MARCHF1: variants seen among roughly 807,000 people sequenced by gnomAD.
MARCHF1 encodes the protein E3 ubiquitin-protein ligase MARCHF1.
MARCHF1 carries 40 observed loss-of-function variants against 54.2 expected under a neutral mutation model. The observed-to-expected ratio is 0.74, with a 90% CI of 0.57 to 0.96. MARCHF1 has a LOEUF of 0.96. MARCHF1 is among the 40% of genes least tolerant of loss of function. MARCHF1 has a pLI of 0.00. For synonymous variants in MARCHF1, 236 were observed against 236.3 expected, an observed-to-expected ratio of 1.00 and a Z score of 0.01; for missense variants, 586 against 656.5, an observed-to-expected ratio of 0.89 and a Z score of 1.17.
chr4:163,807,651 A>G (rs1025543813), intron 4 of MARCHF1, among the ~76,000 whole-genome samples: 1 of 152,168 alleles, frequency 6.6e-6, no homozygotes, highest in Non-Finnish European at 1.5e-5. Flanking sequence ...TAATGAACTT[A>G]TAAATATGCA....
chr4:163,743,352 C>T, intron 4 of MARCHF1, among the ~76,000 whole-genome samples: 1 of 152,164 alleles, frequency 6.6e-6, no homozygotes, highest in South Asian at 2.1e-4. Context: ...TGGTATGAGG[C>T]AGAATTTCCA....
At chr4:163,639,105 T>A (rs927065369) in intron 5 of MARCHF1, among the ~76,000 whole-genome samples, 1 of 152,124 alleles carries the variant, frequency 6.6e-6, no homozygotes, top group African/African-American at 2.4e-5. Context: ...AGTGCTGGAA[T>A]TTGATTACAC....
intron 3 of MARCHF1, among the ~76,000 whole-genome samples, chr4:163,950,225 C>A (rs1229978241): frequency 3.3e-5 from 5 of 152,166 alleles, no homozygotes. Flanking sequence ...CTGAGGGGTG[C>A]CTGCAGGCTT....
At chr4:164,161,849 C>A (rs917354190) in intron 1 of MARCHF1, among the ~76,000 whole-genome samples, 1 of 152,162 alleles carries the variant, frequency 6.6e-6, no homozygotes, top group South Asian at 2.1e-4. Flanking sequence ...GTTATATGGT[C>A]CAAATTCCAA....
intron 5 of MARCHF1, among the ~76,000 whole-genome samples, chr4:163,672,234 CT>C (rs1414937315): frequency 6.6e-6 from 1 of 152,106 alleles, no homozygotes. Context: ...GTGTGAAGAT[CT>C]TTTTCCCTCT....
At chr4:163,637,570 A>G (rs1239468386) in intron 5 of MARCHF1, among the ~76,000 whole-genome samples, 4 of 150,988 alleles carry the variant, frequency 2.6e-5, no homozygotes, top group Non-Finnish European at 4.4e-5. Context: ...TTAGAATGGC[A>G]ATCATTAAAA....
At chr4:163,871,357 A>C (rs1351941225) in intron 3 of MARCHF1, among the ~76,000 whole-genome samples, 2 of 152,146 alleles carry the variant, frequency 1.3e-5, no homozygotes, top group Non-Finnish European at 1.5e-5. Flanking sequence ...GTAATTGGGG[A>C]AACAACCCAA....
chr4:164,275,748 A>G (rs1429208180), intron 1 of MARCHF1, among the ~76,000 whole-genome samples: 2 of 152,180 alleles, frequency 1.3e-5, no homozygotes, highest in East Asian at 3.9e-4. Context: ...GAAAGAAAGA[A>G]AAAGGCCTTT....
intron 3 of MARCHF1, among the ~76,000 whole-genome samples, chr4:163,929,574 A>T (rs1486003511): frequency 6.6e-6 from 1 of 151,934 alleles, no homozygotes; most frequent in Non-Finnish European, 1.5e-5. Flanking sequence ...CTGCTTAAAA[A>T]TCGTGCCAAC....
chr4:164,048,109 G>A (rs966708771), intron 2 of MARCHF1, among the ~76,000 whole-genome samples: 5 of 152,048 alleles, frequency 3.3e-5, no homozygotes, highest in African/African-American at 1.2e-4. Flanking sequence ...TAAATTGTAA[G>A]TAAAATAGTT....
intron 1 of MARCHF1, among the ~76,000 whole-genome samples, chr4:164,318,858 AATCTAT>A (rs1381828190): frequency 1.3e-5 from 2 of 152,222 alleles, no homozygotes; most frequent in Non-Finnish European, 2.9e-5. Flanking sequence ...TGAGAATACT[AATCTAT>A]ATCATTTGTA....
rs143797639 is a variant in MARCHF1, at chr4:163,624,682, CT to C, written c.163-11290del. 3.3e-5 allele frequency among the ~76,000 whole-genome samples: 5 copies of C among 152,308 alleles called. No individual in the cohort carries two copies. The South Asian group carries it at 6.2e-4, about 19-fold the overall frequency. ...CATCACACCTAATGGCCTGGACTAT[CT>C]CCTGTGCTCTTGTAGCTTTATATAT... On this transcript the variant is annotated intron_variant, in intron 5 of 9. Transcript: ENST00000514618.
intron 1 of MARCHF1, among the ~76,000 whole-genome samples, chr4:164,323,681 A>C (rs1735202174): frequency 6.6e-6 from 1 of 151,166 alleles, no homozygotes; most frequent in African/African-American, 2.4e-5. Context: ...AAATTTAAAA[A>C]ATTATGTTTG....
At chr4:164,356,518 A>C (rs1291053103) in intron 1 of MARCHF1, among the ~76,000 whole-genome samples, 1 of 126,518 alleles carries the variant, frequency 7.9e-6, no homozygotes, top group African/African-American at 2.7e-5. Context: ...TCTCAAGAAC[A>C]AAAAACCAAA....
At chr4:164,335,530 C>G (rs1289479491) in intron 1 of MARCHF1, among the ~76,000 whole-genome samples, 4 of 149,772 alleles carry the variant, frequency 2.7e-5, no homozygotes. Flanking sequence ...TGCAGTGAGC[C>G]GAGATTGTGC....
At chr4:164,042,035 A>T (rs1055403092) in intron 2 of MARCHF1, among the ~76,000 whole-genome samples, 2 of 152,210 alleles carry the variant, frequency 1.3e-5, no homozygotes, top group African/African-American at 4.8e-5. Flanking sequence ...AAGAAATACC[A>T]ATACTGCTAC....
chr4:164,361,610 C>T (rs1730724122), intron 1 of MARCHF1, among the ~76,000 whole-genome samples: 1 of 152,120 alleles, frequency 6.6e-6, no homozygotes, highest in South Asian at 2.1e-4. Context: ...CTGTCTCTTA[C>T]TACCACTGTA....
chr4:164,328,735 G>T (rs917500667), intron 1 of MARCHF1, among the ~76,000 whole-genome samples: 2 of 152,072 alleles, frequency 1.3e-5, no homozygotes, highest in Non-Finnish European at 2.9e-5. Flanking sequence ...TCACCATGTT[G>T]CCCAGGCTGG....
chr4:163,806,962 A>T (rs1748243599), intron 4 of MARCHF1, among the ~76,000 whole-genome samples: 1 of 152,238 alleles, frequency 6.6e-6, no homozygotes, highest in African/African-American at 2.4e-5. Flanking sequence ...AACAAATCTC[A>T]GGATCAAACG....
Sources: gnomAD v4.1 joint callset for allele counts (sites outside exome capture counted in the v4.1 genomes callset) on GRCh38, gnomAD v4.1.1 for gene constraint, MANE v1.5 for transcripts, NCBI Gene and HGNC (gene_info 2026-07-23, HGNC 2026-07-21) for gene names.